The following SND1 variants were observed in gnomAD, a reference collection of about 807,000 sequenced individuals.
SND1 encodes staphylococcal nuclease and tudor domain containing 1.
A neutral mutation model predicts 121.7 loss-of-function variants in SND1; 38 were observed. The ratio of observed to expected loss-of-function variants is 0.31; its 90% CI spans 0.24 to 0.41. The LOEUF (loss-of-function observed/expected upper bound fraction) is 0.41, where lower values mean the gene tolerates loss of function less well. Among genes scored for constraint, SND1 ranks in the 10% least tolerant of loss-of-function variants. The pLI, the probability that SND1 is intolerant of heterozygous loss-of-function variation, is 1.00. For synonymous variants in SND1, 401 were observed against 447.4 expected (o/e 0.90, Z 1.31); for missense variants, 868 against 1,184.6 (o/e 0.73, Z 3.92).
intron 12 of SND1, among the ~76,000 whole-genome samples, chr7:127,848,267 A>C (rs1799102493): frequency 6.6e-6 from 1 of 152,082 alleles, no homozygotes; most frequent in African/African-American, 2.4e-5. Context: ...GTAAATACAC[A>C]CTCTTTGTGT....
rs1363941094 is a variant in SND1 at position 128,088,302 on chromosome 7, AT to A, written c.2419-1186del. 3.6e-3 allele frequency among the ~76,000 whole-genome samples: 486 copies of A among 134,868 alleles called. 3 individuals carry two copies. Among genetic ancestry groups the A allele is most frequent in the African/African-American group, 0.01 (368 of 35,110 alleles). 88.5% of individuals were successfully genotyped at this position (134,868 alleles called of 152,430 possible). A position where few individuals can be genotyped will look rare whatever the true frequency, so the allele number is the denominator to read the frequency against. ...TCTAAAAAAAAAAAAAAAAAAAAAA[AT>A]AGCTGGGTGTGGTGGCACACGCCTG... On this transcript the variant is annotated intron_variant, in intron 21 of 23. Transcript: ENST00000354725.
rs1587568466 is a variant in SND1 at position 127,652,282 on chromosome 7, C to G, written c.-92C>G. 1 of 1,101,392 alleles carries G rather than the reference C, an allele frequency of 9.1e-7. No homozygotes were observed. Among genetic ancestry groups the G allele is most frequent in the African/African-American group, 1.6e-5 (1 of 64,296 alleles). The allele number at this position is 1,101,392 out of a possible 1,614,324, so 68.2% of individuals were successfully genotyped here. A position where few individuals can be genotyped will look rare whatever the true frequency, so the allele number is the denominator to read the frequency against. On this transcript the variant is annotated 5_prime_UTR_variant, in exon 1 of 24. Transcript: ENST00000354725. ...TCCGCAGCTGGTAGCCAGCCTGCCC[C>G]TCGCCTCGACTCCCTTTCACCAACA...
intron 12 of SND1, among the ~76,000 whole-genome samples, chr7:127,856,472 A>G (rs1799275991): frequency 6.6e-6 from 1 of 152,240 alleles, no homozygotes; most frequent in Non-Finnish European, 1.5e-5. Flanking sequence ...TTTAGTGAAA[A>G]TGTGTTTTAA....
chr7:127,821,682 T>C (rs954474104), intron 11 of SND1, among the ~76,000 whole-genome samples: 3 of 148,652 alleles, frequency 2.0e-5, no homozygotes, highest in African/African-American at 7.5e-5. Flanking sequence ...TAACTTGTTC[T>C]TTACATTTTA....
intron 16 of SND1, among the ~76,000 whole-genome samples, chr7:128,021,905 A>G (rs1266613591): frequency 6.6e-6 from 1 of 152,156 alleles, no homozygotes; most frequent in Admixed American, 6.5e-5. Flanking sequence ...TAGTGGGGCT[A>G]TAAGAAGGTA....
chr7:127,687,044 C>G (rs189694238), intron 2 of SND1: 85 of 296,380 alleles, frequency 2.9e-4, no homozygotes, highest in African/African-American at 1.6e-3. Flanking sequence ...AGTTTAGGAA[C>G]ATTTCCTGGG....
intron 10 of SND1, among the ~76,000 whole-genome samples, chr7:127,725,017 AAAAG>A (rs1359431066): frequency 6.6e-6 from 1 of 152,208 alleles, no homozygotes; most frequent in Non-Finnish European, 1.5e-5. Flanking sequence ...AGAAAAAAGA[AAAAG>A]AAGAAGAAAA....
At chr7:127,685,148 ATTC>A (rs1001675635) in intron 1 of SND1, among the ~76,000 whole-genome samples, 4 of 152,084 alleles carry the variant, frequency 2.6e-5, no homozygotes, top group Non-Finnish European at 4.4e-5. Flanking sequence ...TACTTTTCTT[ATTC>A]TTTAATTTGT....
chr7:128,027,712 C>T (rs1386257979), intron 16 of SND1: 1 of 152,228 alleles, frequency 6.6e-6, no homozygotes, highest in Non-Finnish European at 1.5e-5. Context: ...TGTCTACAAT[C>T]ATGTGTCAGA....
At chr7:128,027,077 A>G (rs546482332) in intron 16 of SND1, 1 of 152,720 alleles carries the variant, frequency 6.5e-6, no homozygotes, top group Admixed American at 6.5e-5. Flanking sequence ...TGAATTAAAA[A>G]TTCAACAATA....
chr7:128,028,466 C>A, intron 16 of SND1: 36 of 396,380 alleles, frequency 9.1e-5, no homozygotes, highest in East Asian at 1.4e-4. Context: ...TCCCAAGATT[C>A]CCCCCCACCC....
intron 12 of SND1, among the ~76,000 whole-genome samples, chr7:127,876,474 C>T (rs923910943): frequency 1.3e-5 from 2 of 152,050 alleles, no homozygotes; most frequent in Admixed American, 1.3e-4. Context: ...GATGTCAGGC[C>T]TAGGTGCTGA....
At chr7:128,013,296 C>G (rs1289358445) in intron 16 of SND1, among the ~76,000 whole-genome samples, 2 of 152,184 alleles carry the variant, frequency 1.3e-5, no homozygotes, top group Non-Finnish European at 2.9e-5. Context: ...GTCATTGTGT[C>G]CGCCCAAGTG....
chr7:127,706,085 A>G (rs1278973529), intron 8 of SND1, among the ~76,000 whole-genome samples: 1 of 152,218 alleles, frequency 6.6e-6, no homozygotes, highest in East Asian at 1.9e-4. Context: ...GTTGTTCTAC[A>G]ATTAAGTTAG....
At chr7:127,754,023 A>G (rs1797150156) in intron 10 of SND1, among the ~76,000 whole-genome samples, 1 of 152,210 alleles carries the variant, frequency 6.6e-6, no homozygotes, top group Non-Finnish European at 1.5e-5. Context: ...TTTAGCCCAA[A>G]GTAGATTATC....
chr7:127,722,296 T>C (rs1158276278), intron 10 of SND1, among the ~76,000 whole-genome samples: 2 of 150,254 alleles, frequency 1.3e-5, no homozygotes, highest in Non-Finnish European at 3.0e-5. Flanking sequence ...GTGTGTACTA[T>C]CTACTGCCTG....
intron 20 of SND1, chr7:128,086,443 C>T (rs1477392162): frequency 4.3e-6 from 1 of 231,484 alleles, no homozygotes; most frequent in African/African-American, 2.3e-5. Context: ...GCTCCCAACC[C>T]ATCTCCTGGG....
At chr7:127,773,428 G>C (rs2014583) in intron 10 of SND1, among the ~76,000 whole-genome samples, 49,885 of 151,182 alleles carry the variant, frequency 0.33, 9,074 homozygotes, top group Middle Eastern at 0.42. Flanking sequence ...CTCTAGCCTG[G>C]GTGACACAGC....
intron 1 of SND1, among the ~76,000 whole-genome samples, chr7:127,658,137 C>T (rs887504687): frequency 2.0e-5 from 3 of 152,046 alleles, no homozygotes; most frequent in African/African-American, 7.2e-5. Flanking sequence ...CATGGCGAAA[C>T]CCTATCTCTA....
Sources: gnomAD v4.1 joint callset for allele counts (sites outside exome capture counted in the v4.1 genomes callset) on GRCh38, gnomAD v4.1.1 for gene constraint, MANE v1.5 for transcripts, NCBI Gene and HGNC (gene_info 2026-07-23, HGNC 2026-07-21) for gene names.